RTN4: variants seen among roughly 807,000 people sequenced by gnomAD.
RTN4 encodes reticulon-4.
Under a neutral mutation model 90.4 loss-of-function variants are expected in RTN4, and 32 were observed. That is an observed-to-expected ratio of 0.35 (90% CI 0.27 to 0.48). RTN4 has a LOEUF of 0.48. Ranked by LOEUF, RTN4 falls within the 20% of genes least tolerant of loss-of-function variation. The pLI is 0.99. For synonymous variants in RTN4, 629 were observed against 552.5 expected (o/e 1.14, Z -1.94); for missense variants, 1,706 against 1,430.2 (o/e 1.19, Z -3.11).
Position 54,982,504 on chromosome 2 carries a change from A to G in RTN4, c.3360+11T>C. 2 of 1,603,508 alleles carry G rather than the reference A, an allele frequency of 1.2e-6. No individual in the cohort carries two copies. Among genetic ancestry groups the G allele is most frequent in the Non-Finnish European group, 1.7e-6 (2 of 1,176,928 alleles). The stretch of plus-strand genomic sequence containing the variant: ...TGGGTATATCAAAAATGAAAGGCAA[A>G]ATAAACTTACCTTCAGAGAATCAAC... On this transcript the variant is annotated intron_variant, in intron 5 of 8. Coordinates refer to ENST00000337526, the MANE Select transcript of RTN4 (RefSeq NM_020532.5).
intron 7 of RTN4, 96 bp from the exon 8 acceptor site, chr2:54,973,717 T>A: frequency 6.7e-7 from 1 of 1,493,984 alleles, no homozygotes; most frequent in Non-Finnish European, 9.3e-7. Flanking sequence ...CCATCACACT[T>A]CTCATTTTTG....
intron 3 of RTN4, among the ~76,000 whole-genome samples, chr2:55,004,250 C>T (rs1184846797): frequency 6.6e-6 from 1 of 152,120 alleles, no homozygotes; most frequent in African/African-American, 2.4e-5. Flanking sequence ...CAATAACATG[C>T]CACAAGTAGA....
intron 3 of RTN4, among the ~76,000 whole-genome samples, chr2:54,993,074 GGAAAAAAAAAAA>G (rs1178801831): frequency 1.3e-5 from 1 of 79,002 alleles, no homozygotes; most frequent in African/African-American, 4.0e-5. Flanking sequence ...ACTCCATCTC[GGAAAAAAAAAAA>G]AAAAAAAGAA....
chr2:55,093,052 G>T (rs1010209840), intron 1 of RTN4, among the ~76,000 whole-genome samples: 2 of 152,188 alleles, frequency 1.3e-5, no homozygotes. Flanking sequence ...GTGTGTACGT[G>T]TGTAAAATAT....
chr2:55,068,670 A>C, intron 2 of RTN4, among the ~76,000 whole-genome samples: 1 of 81,908 alleles, frequency 1.2e-5, no homozygotes, highest in Non-Finnish European at 2.1e-5. Context: ...GGTGCTCTAC[A>C]AAAAAAAAGG....
upstream of RTN4, among the ~76,000 whole-genome samples, chr2:55,116,091 C>CTT (rs5831339): frequency 3.8e-3 from 400 of 105,392 alleles, 12 homozygotes; most frequent in African/African-American, 0.01. Flanking sequence ...GGGGACTAGT[C>CTT]TTTTTTTTTT....
At chr2:55,087,807 G>A (rs1278777216) in intron 1 of RTN4, among the ~76,000 whole-genome samples, 1 of 151,982 alleles carries the variant, frequency 6.6e-6, no homozygotes, top group Non-Finnish European at 1.5e-5. Context: ...AGCCTGTGAG[G>A]GTGTCCATTG....
intron 2 of RTN4, among the ~76,000 whole-genome samples, chr2:55,075,572 C>G (rs964564655): frequency 6.6e-6 from 1 of 152,160 alleles, no homozygotes; most frequent in Non-Finnish European, 1.5e-5. Context: ...CCATTCTTCA[C>G]AGAACTAGAA....
chr2:55,019,779 A>G (rs1681296554), intron 3 of RTN4, among the ~76,000 whole-genome samples: 1 of 152,192 alleles, frequency 6.6e-6, no homozygotes, highest in Admixed American at 6.5e-5. Flanking sequence ...AGGAAGTCAC[A>G]TTGTCCCTGT....
chr2:55,019,875 A>C (rs1681301230), intron 3 of RTN4, among the ~76,000 whole-genome samples: 1 of 152,196 alleles, frequency 6.6e-6, no homozygotes, highest in South Asian at 2.1e-4. Context: ...ATATAAAATC[A>C]ATAACAAAAA....
chr2:55,122,238 CA>C, the RTN4 span, among the ~76,000 whole-genome samples: 1 of 152,194 alleles, frequency 6.6e-6, no homozygotes, highest in African/African-American at 2.4e-5. Context: ...CTCGGCCTCC[CA>C]AAGTGCTGGG....
At chr2:54,975,069 TA>T (rs763790539) in intron 5 of RTN4, among the ~76,000 whole-genome samples, 26 of 152,218 alleles carry the variant, frequency 1.7e-4, no homozygotes, top group Non-Finnish European at 3.5e-4. Flanking sequence ...ATTTACCTTT[TA>T]AATGGGAAGA....
intron 1 of RTN4, among the ~76,000 whole-genome samples, chr2:55,039,792 T>C (rs532930590): frequency 6.6e-6 from 1 of 152,212 alleles, no homozygotes; most frequent in East Asian, 1.9e-4. Flanking sequence ...AATAAATAAA[T>C]GGAAATGTGA....
chr2:55,043,063 T>C (rs1454553579), intron 1 of RTN4, among the ~76,000 whole-genome samples: 1 of 152,210 alleles, frequency 6.6e-6, no homozygotes. Context: ...TTAAAAAGGA[T>C]GATGATGGCA....
In RTN4 at chr2:54,972,944, C is replaced by T. The variant is rs1039226114; in HGVS notation, c.*212G>A. 2 of 440,888 alleles carry T rather than the reference C, an allele frequency of 4.5e-6. No homozygotes were observed. The highest frequency in any genetic ancestry group is 3.8e-5 in the Admixed American group (1 of 26,116). The allele number at this position is 440,888 out of a possible 1,614,324, so 27.3% of individuals were successfully genotyped here. ...GATATGATTACGGTTTAAATCCATA[C>T]ATAGCAGCTTACAATACTTAAGATG... On this transcript the variant is annotated 3_prime_UTR_variant, in exon 9 of 9. Coordinates refer to ENST00000337526, the MANE Select transcript of RTN4 (RefSeq NM_020532.5).
chr2:55,013,861 G>T (rs1368349989), intron 3 of RTN4, among the ~76,000 whole-genome samples: 1 of 152,000 alleles, frequency 6.6e-6, no homozygotes, highest in Admixed American at 6.6e-5. Flanking sequence ...AAGAGGGTGG[G>T]AAAGCAGCAA....
chr2:55,031,423 C>T (rs1337931284), intron 1 of RTN4, among the ~76,000 whole-genome samples: 13 of 152,168 alleles, frequency 8.5e-5, no homozygotes, highest in Admixed American at 8.5e-4. Context: ...CAAAGTAAAG[C>T]CTCACAGAAA....
chr2:55,097,316 A>AAG (rs1667760523), intron 1 of RTN4, among the ~76,000 whole-genome samples: 1 of 151,642 alleles, frequency 6.6e-6, no homozygotes, highest in East Asian at 1.9e-4. Flanking sequence ...AAAAAAAAAA[A>AAG]AAATTCCTTG....
intron 1 of RTN4, among the ~76,000 whole-genome samples, chr2:55,091,980 A>G (rs1424458051): frequency 6.6e-6 from 1 of 152,132 alleles, no homozygotes; most frequent in African/African-American, 2.4e-5. Flanking sequence ...CCCTCCCACA[A>G]CATGTGGGAA....
Sources: allele counts gnomAD v4.1 joint callset (sites outside exome capture counted in the v4.1 genomes callset), GRCh38; gene constraint gnomAD v4.1.1; transcripts MANE v1.5; gene names NCBI Gene and HGNC (gene_info 2026-07-23, HGNC 2026-07-21).